SLCO3A1: variants seen among roughly 807,000 people sequenced by gnomAD.
SLCO3A1 encodes the protein solute carrier organic anion transporter family member 3A1.
A neutral mutation model predicts 63.1 loss-of-function variants in SLCO3A1; 27 were observed. The observed-to-expected ratio is 0.43, with a 90% CI of 0.32 to 0.59. The LOEUF is 0.59. Ranked by LOEUF, SLCO3A1 falls within the 20% of genes least tolerant of loss-of-function variation. The pLI, the probability that SLCO3A1 is intolerant of heterozygous loss-of-function variation, is 0.09. For synonymous variants in SLCO3A1, 473 were observed against 409.9 expected (o/e 1.15, Z -1.86); for missense variants, 773 against 945.8 (o/e 0.82, Z 2.40).
chr15:91,965,092 G>T lies in SLCO3A1; in HGVS notation c.646+48634G>T, dbSNP rs187539422. On this transcript the variant is annotated intron_variant, in intron 2 of 9. Transcript: ENST00000318445. Reference sequence around the variant, plus strand: ...ATACCCAGGGAGAGGGGGCTGTGGGGATACTCAGTGGATGATTAGGGTTTT... The same window carrying T: ...ATACCCAGGGAGAGGGGGCTGTGGGTATACTCAGTGGATGATTAGGGTTTT... Among the ~76,000 whole-genome samples the T allele has an allele frequency of 3.6e-3, 541 of 152,152 alleles. 2 individuals are homozygous for T. Among genetic ancestry groups the T allele is most frequent in the Non-Finnish European group, 3.2e-3 (219 of 68,018 alleles).
At chr15:91,947,573 G>A (rs1899852184) in intron 2 of SLCO3A1, among the ~76,000 whole-genome samples, 1 of 152,222 alleles carries the variant, frequency 6.6e-6, no homozygotes, top group African/African-American at 2.4e-5. Context: ...ATTGTGGGCA[G>A]GAAGTAGACT....
intron 9 of SLCO3A1, among the ~76,000 whole-genome samples, chr15:92,161,108 C>T (rs1429928822): frequency 6.6e-6 from 1 of 152,186 alleles, no homozygotes; most frequent in East Asian, 1.9e-4. Flanking sequence ...CCTGGGATCT[C>T]AGAGTTGGCC....
At chr15:92,080,938 C>CTGTGTGTGTGTGTG (rs542459686) in intron 2 of SLCO3A1, among the ~76,000 whole-genome samples, 46 of 128,978 alleles carry the variant, frequency 3.6e-4, no homozygotes, top group South Asian at 1.0e-3. Flanking sequence ...TACATAGTAG[C>CTGTGTGTGTGTGTG]TGTGTGTGTG....
At chr15:92,009,369 C>T (rs1481714053) in intron 2 of SLCO3A1, among the ~76,000 whole-genome samples, 1 of 152,186 alleles carries the variant, frequency 6.6e-6, no homozygotes, top group Non-Finnish European at 1.5e-5. Flanking sequence ...CATTCTGTCA[C>T]TCAGGAGCCT....
chr15:92,142,782 C>T (rs141076736), intron 7 of SLCO3A1, among the ~76,000 whole-genome samples: 177 of 152,262 alleles, frequency 1.2e-3, no homozygotes, highest in African/African-American at 3.6e-3. Context: ...CATTTTATCC[C>T]ATTCCATGAG....
At chr15:92,153,107 G>A (rs1050379153) in intron 9 of SLCO3A1, among the ~76,000 whole-genome samples, 22 of 152,286 alleles carry the variant, frequency 1.4e-4, no homozygotes, top group African/African-American at 5.3e-4. Flanking sequence ...CTGTATGTCT[G>A]CCCCAGGAAT....
chr15:91,872,448 C>G lies in SLCO3A1; in HGVS notation c.180+18360C>G, dbSNP rs1303975010. 6.6e-6 allele frequency among the ~76,000 whole-genome samples: 1 copy of G among 151,968 alleles called. No individual in the cohort carries two copies. Among genetic ancestry groups the G allele is most frequent in the Non-Finnish European group, 1.5e-5 (1 of 67,998 alleles). On this transcript the variant is annotated intron_variant, in intron 1 of 9. Coordinates refer to ENST00000318445, the MANE Select transcript of SLCO3A1 (RefSeq NM_013272.4). This position sits in a 1 kb window ranked among gnomAD's most constrained non-coding sequence, Gnocchi z 4.1. ...TCGGCGGGCTGAGGTAGGAGAATCA[C>G]TTGAACCCGGGAGGCGGATAGGTTG...
chr15:92,028,246 G>T (rs12905838), intron 2 of SLCO3A1, among the ~76,000 whole-genome samples: 3 of 151,774 alleles, frequency 2.0e-5, no homozygotes, highest in African/African-American at 4.8e-5. Flanking sequence ...CCACAAGTCC[G>T]TTGAAGTCCC....
chr15:91,877,659 A>G (rs1188176595), intron 1 of SLCO3A1, among the ~76,000 whole-genome samples: 1 of 152,118 alleles, frequency 6.6e-6, no homozygotes, highest in East Asian at 1.9e-4. Context: ...AAGGGGAAGG[A>G]GGTAACTAAC....
At chr15:92,136,354 A>C (rs973879690) in intron 7 of SLCO3A1, among the ~76,000 whole-genome samples, 1 of 152,202 alleles carries the variant, frequency 6.6e-6, no homozygotes, top group African/African-American at 2.4e-5. Context: ...TAACAGGCAG[A>C]AAACAACTTT....
intron 1 of SLCO3A1, among the ~76,000 whole-genome samples, chr15:91,880,131 GTCCATCCATCCA>G (rs1202665562): frequency 3.3e-4 from 43 of 130,544 alleles, no homozygotes; most frequent in African/African-American, 1.3e-3. Flanking sequence ...CCGTCCGTCC[GTCCATCCATCCA>G]TCCATCCATC....
chr15:92,046,104 G>A (rs1261858900), intron 2 of SLCO3A1, among the ~76,000 whole-genome samples: 2 of 152,092 alleles, frequency 1.3e-5, no homozygotes, highest in Non-Finnish European at 2.9e-5. Context: ...AGACCTAATC[G>A]GAGCTAGAAG....
chr15:92,080,938 CTGTGTGTGTGTGTGTGTGTGTG>C (rs542459686), intron 2 of SLCO3A1, among the ~76,000 whole-genome samples: 4 of 128,892 alleles, frequency 3.1e-5, no homozygotes, highest in Admixed American at 7.7e-5. Context: ...TACATAGTAG[CTGTGTGTGTGTGTGTGTGTGTG>C]TGTGTGTGTG....
At chr15:92,058,483 G>T (rs1473959592) in intron 2 of SLCO3A1, among the ~76,000 whole-genome samples, 2 of 152,064 alleles carry the variant, frequency 1.3e-5, no homozygotes, top group African/African-American at 4.8e-5. Context: ...ATAGGATGTT[G>T]GGTGTCCCGC....
intron 1 of SLCO3A1, among the ~76,000 whole-genome samples, chr15:91,861,929 G>C (rs546004395): frequency 6.8e-6 from 1 of 147,786 alleles, no homozygotes; most frequent in Non-Finnish European, 1.5e-5. Flanking sequence ...TGTGAGCCAC[G>C]GTGCCTTGCC....
chr15:91,924,322 C>T (rs1014557676), intron 2 of SLCO3A1, among the ~76,000 whole-genome samples: 7 of 152,044 alleles, frequency 4.6e-5, no homozygotes, highest in African/African-American at 1.7e-4. Flanking sequence ...GCTGGAAATC[C>T]GTATTTTTCA....
chr15:91,994,002 G>A (rs200163435), intron 2 of SLCO3A1, among the ~76,000 whole-genome samples: 5 of 152,288 alleles, frequency 3.3e-5, no homozygotes, highest in East Asian at 1.9e-4. Flanking sequence ...GCAAGCCTCC[G>A]GATGACTGTG....
At chr15:91,956,832 C>CA (rs1390796385) in intron 2 of SLCO3A1, among the ~76,000 whole-genome samples, 1 of 132,062 alleles carries the variant, frequency 7.6e-6, no homozygotes, top group Non-Finnish European at 1.6e-5. Context: ...CTCTGTCACC[C>CA]AGGCTGGAGT....
chr15:92,053,232 C>T (rs1472866609), intron 2 of SLCO3A1, among the ~76,000 whole-genome samples: 1 of 152,166 alleles, frequency 6.6e-6, no homozygotes, highest in Non-Finnish European at 1.5e-5. Context: ...ACATCAATCA[C>T]AGCCTCACAA....
Sources: allele counts gnomAD v4.1 joint callset (sites outside exome capture counted in the v4.1 genomes callset), GRCh38; gene constraint gnomAD v4.1.1; non-coding constraint Gnocchi (gnomAD v3.1); transcripts MANE v1.5; gene names NCBI Gene and HGNC (gene_info 2026-07-23, HGNC 2026-07-21).